ADAMTSL2: variants seen among roughly 807,000 people sequenced by gnomAD.
ADAMTSL2 encodes ADAMTS like 2.
A neutral mutation model predicts 117.0 loss-of-function variants in ADAMTSL2; 55 were observed. The observed-to-expected ratio is 0.47, with a 90% CI of 0.38 to 0.59. The LOEUF is 0.59. ADAMTSL2 is among the 20% of genes least tolerant of loss of function. ADAMTSL2 has a pLI of 0.00. For synonymous variants in ADAMTSL2, 572 were observed against 566.4 expected, an observed-to-expected ratio of 1.01 and a Z score of -0.14; for missense variants, 1,182 against 1,354.5, an observed-to-expected ratio of 0.87 and a Z score of 2.00.
intron 17 of ADAMTSL2, among the ~76,000 whole-genome samples, chr9:133,573,197 G>C (rs1174680871): frequency 4.6e-5 from 7 of 152,220 alleles, no homozygotes; most frequent in African/African-American, 7.2e-5. Context: ...ACCCACATTG[G>C]GGGGAGTGTG....
Position 133,554,698 on chromosome 9 carries a change from C to G in ADAMTSL2, c.1276+5C>G, listed in dbSNP as rs886063640. 40 of 1,482,528 alleles carry G rather than the reference C, an allele frequency of 2.7e-5. No individual in the cohort carries two copies. In the East Asian group the frequency reaches 8.8e-4, roughly 33 times the overall value. 91.8% of individuals were successfully genotyped at this position (1,482,528 alleles called of 1,614,324 possible). ...CCAGGGGCAAGGGCTTCCGAGGTAA[C>G]CAGGAGGAGGGAGGCATGAGGGTGG... is the stretch of plus-strand genomic sequence containing the variant. On this transcript the variant is annotated splice_donor_5th_base_variant and intron_variant, in intron 10 of 18. Transcript: ENST00000651351. The surrounding 1 kb of genome is among the most constrained non-coding windows in gnomAD (Gnocchi z 5.2).
chr9:133,565,671 C>A (rs953147241), intron 12 of ADAMTSL2, among the ~76,000 whole-genome samples: 2 of 152,218 alleles, frequency 1.3e-5, no homozygotes, highest in Non-Finnish European at 2.9e-5. Flanking sequence ...TTCCATCCAG[C>A]GCTGGGGCTT....
intron 9 of ADAMTSL2, among the ~76,000 whole-genome samples, chr9:133,551,107 C>T (rs559782301): frequency 4.2e-4 from 64 of 152,282 alleles, no homozygotes; most frequent in African/African-American, 1.4e-3. Flanking sequence ...CCCATCACAC[C>T]GATGCTTACA....
In ADAMTSL2 at chr9:133,569,561, GC is replaced by G; in HGVS notation, c.2401del (p.Gln801ArgfsTer73). 6.3e-7 allele frequency: 1 copy of G among 1,580,724 alleles called. No individual in the cohort carries two copies. The highest frequency in any genetic ancestry group is 8.6e-7 in the Non-Finnish European group (1 of 1,162,462). On this transcript the variant is annotated frameshift_variant, in exon 16 of 19. Transcript: ENST00000651351. LOFTEE classifies it high-confidence loss of function. ...CAAAAACTGTCCCGCCCACTGGCTG[GC>G]CCAGGACTGGGAGCGGGTGAGTGCC... ...GDKNCPAHWL[A>X]QDWERCNTTC...
intron 15 of ADAMTSL2, 146 bp downstream of exon 15, chr9:133,568,904 G>T: frequency 8.8e-7 from 1 of 1,130,932 alleles, no homozygotes; most frequent in Non-Finnish European, 1.3e-6. Context: ...TGTTATTATA[G>T]GAATCAAAAC....
rs1038947225 is a variant in ADAMTSL2 at position 133,557,766 on chromosome 9, G to C, written c.1649+1836G>C. ...AACTGAGCCTCCAAGTGGCAGCAGT[G>C]GGGGGTGCCTTTCAGGACCCACTGC... On this transcript the variant is annotated intron_variant, in intron 11 of 18. Transcript: ENST00000651351. This position sits in a 1 kb window ranked among gnomAD's most constrained non-coding sequence, Gnocchi z 5.2. 3.9e-5 allele frequency among the ~76,000 whole-genome samples: 6 copies of C among 152,212 alleles called. No individual in the cohort carries two copies. Among genetic ancestry groups the C allele is most frequent in the Admixed American group, 6.5e-5 (1 of 15,284 alleles).
At chr9:133,543,338 T>C (rs1295793721) in intron 7 of ADAMTSL2, among the ~76,000 whole-genome samples, 1 of 152,260 alleles carries the variant, frequency 6.6e-6, no homozygotes, top group Non-Finnish European at 1.5e-5. Flanking sequence ...TTCAGTCGCT[T>C]GCTTCAAGCT....
At chr9:133,563,429 T>C (rs1319172228) in intron 12 of ADAMTSL2, among the ~76,000 whole-genome samples, 4 of 151,412 alleles carry the variant, frequency 2.6e-5, no homozygotes, top group African/African-American at 9.8e-5. Flanking sequence ...GTGTGGGCGT[T>C]GTCAGTAAGT....
chr9:133,571,388 G>T (rs1831103374), intron 17 of ADAMTSL2, among the ~76,000 whole-genome samples: 1 of 152,188 alleles, frequency 6.6e-6, no homozygotes, highest in African/African-American at 2.4e-5. Flanking sequence ...TCATCCCAAG[G>T]GGCCCTGGGC....
At position 133,568,637 on chromosome 9, in the gene ADAMTSL2, C is replaced by T; in HGVS notation, c.2123C>T (p.Thr708Ile). ...TAKCGERSVV[T>I]RDIRCSEDEK... Reference sequence around the variant, plus strand: ...AAGTGTGGGGAGCGCAGTGTGGTGACCAGGGACATCCGCTGCTCGGAGGAT... The same window carrying T: ...AAGTGTGGGGAGCGCAGTGTGGTGATCAGGGACATCCGCTGCTCGGAGGAT... The change falls in exon 15 of 19, where the codon ACC becomes ATC. Residue 708 changes from threonine (T) to isoleucine (I), a missense_variant. Physicochemically the swap from Thr to Ile is moderately conservative, Grantham distance 89 (BLOSUM62 -1). Transcript: ENST00000651351. 6.2e-7 allele frequency: 1 copy of T among 1,612,602 alleles called. No homozygotes were observed.
chr9:133,561,329 C>G (rs918769275), intron 12 of ADAMTSL2, 34 bp downstream of exon 12: 2 of 1,541,080 alleles, frequency 1.3e-6, no homozygotes, highest in Admixed American at 1.9e-5. Flanking sequence ...GCAGCAACTG[C>G]CCTGAACCCA....
upstream of ADAMTSL2, among the ~76,000 whole-genome samples, chr9:133,534,111 G>A (rs1286385645): frequency 6.6e-6 from 1 of 152,216 alleles, no homozygotes; most frequent in Non-Finnish European, 1.5e-5. Flanking sequence ...CCCTGGCCCT[G>A]GCTGCTCTAG....
intron 17 of ADAMTSL2, among the ~76,000 whole-genome samples, chr9:133,571,348 A>G (rs1831102070): frequency 1.3e-5 from 2 of 152,170 alleles, no homozygotes; most frequent in Non-Finnish European, 2.9e-5. Context: ...GGGGTGTGGC[A>G]TCTGCAAGGG....
chr9:133,535,045 T>G, intron 1 of ADAMTSL2, 128 bp downstream of exon 1: 1 of 1,277,446 alleles, frequency 7.8e-7, no homozygotes, highest in Non-Finnish European at 9.9e-7. Flanking sequence ...GGGAGGCTTG[T>G]GGGGAGGGGT....
intron 10 of ADAMTSL2, 54 bp from the exon 11 acceptor site, chr9:133,555,504 C>T: frequency 6.2e-7 from 1 of 1,611,754 alleles, no homozygotes; most frequent in South Asian, 1.1e-5. Context: ...CAGGGCAGCC[C>T]TTGCCCCCAG....
At chr9:133,564,261 GGA>G (rs1181566055) in intron 12 of ADAMTSL2, among the ~76,000 whole-genome samples, 199 of 11,088 alleles carry the variant, frequency 0.018, 17 homozygotes, top group Middle Eastern at 0.14. Context: ...AGAGAGAGAG[GGA>G]GAGAGAGAGA....
At chr9:133,564,274 AAG>A (rs1300231075) in intron 12 of ADAMTSL2, among the ~76,000 whole-genome samples, 1 of 4,808 alleles carries the variant, frequency 2.1e-4, no homozygotes, top group Admixed American at 1.7e-3. Flanking sequence ...GAGAGAGAGA[AAG>A]AGGGAGAGAG....
intron 8 of ADAMTSL2, among the ~76,000 whole-genome samples, chr9:133,546,319 G>A (rs534981797): frequency 5.3e-5 from 8 of 152,074 alleles, no homozygotes; most frequent in African/African-American, 1.9e-4. Context: ...GGCCCTGGGA[G>A]TGCCCACCCA....
Position 133,553,521 on chromosome 9 carries a change from T to A in ADAMTSL2, c.940-836T>A, listed in dbSNP as rs376408680. The stretch of plus-strand genomic sequence containing the variant: ...CCAGCCAACTCTCAAACACTTGAGC[T>A]ATTGCACCAATAGTGCATTTCCTTT... On this transcript the variant is annotated intron_variant, in intron 9 of 18. Coordinates refer to ENST00000651351, the MANE Select transcript of ADAMTSL2 (RefSeq NM_014694.4). Among the ~76,000 whole-genome samples, 9 of 152,218 alleles carry A rather than the reference T, an allele frequency of 5.9e-5. No homozygotes were observed. In the East Asian group the frequency reaches 9.6e-4, roughly 16 times the overall value.
Sources: allele counts gnomAD v4.1 joint callset (sites outside exome capture counted in the v4.1 genomes callset), GRCh38; gene constraint gnomAD v4.1.1; non-coding constraint Gnocchi (gnomAD v3.1); transcripts MANE v1.5; gene names NCBI Gene and HGNC (gene_info 2026-07-23, HGNC 2026-07-21).